PDHX: variants seen among roughly 807,000 people sequenced by gnomAD.
The protein encoded by PDHX is pyruvate dehydrogenase protein X component, mitochondrial.
PDHX carries 33 observed loss-of-function variants against 55.3 expected under a neutral mutation model. That is an observed-to-expected ratio of 0.60 (90% CI 0.45 to 0.80). The LOEUF (loss-of-function observed/expected upper bound fraction) is 0.80, where lower values mean the gene tolerates loss of function less well. Ranked by LOEUF, PDHX falls within the 30% of genes least tolerant of loss-of-function variation. PDHX has a pLI of 0.00. For missense variants in PDHX, 622 were observed against 619.9 expected, an observed-to-expected ratio of 1.00 and a Z score of -0.04; for synonymous variants, 226 against 219.4, an observed-to-expected ratio of 1.03 and a Z score of -0.27.
chr11:34,990,902 C>T (rs1855742570), intron 9 of PDHX, among the ~76,000 whole-genome samples: 1 of 152,074 alleles, frequency 6.6e-6, no homozygotes, highest in Non-Finnish European at 1.5e-5. Context: ...GTAATAGTGC[C>T]TATGTTGCCT....
intron 4 of PDHX, among the ~76,000 whole-genome samples, chr11:34,959,785 T>C (rs954301725): frequency 6.6e-6 from 1 of 152,098 alleles, no homozygotes; most frequent in Non-Finnish European, 1.5e-5. Flanking sequence ...TTATGCTCAG[T>C]AAAATAAGCC....
intron 2 of PDHX, among the ~76,000 whole-genome samples, chr11:34,937,366 C>T (rs982732394): frequency 6.6e-6 from 1 of 151,584 alleles, no homozygotes; most frequent in Non-Finnish European, 1.5e-5. Flanking sequence ...ACCAAGTGTC[C>T]CCACATCTGG....
chr11:34,980,048 T>G (rs1855474356), intron 8 of PDHX, among the ~76,000 whole-genome samples: 1 of 151,342 alleles, frequency 6.6e-6, no homozygotes, highest in South Asian at 2.1e-4. Context: ...ATTACTGATC[T>G]GTTTTAATTT....
intron 1 of PDHX, among the ~76,000 whole-genome samples, chr11:34,920,621 C>T (rs1853854932): frequency 6.6e-6 from 1 of 152,142 alleles, no homozygotes; most frequent in African/African-American, 2.4e-5. Flanking sequence ...TTATCTAACA[C>T]TGAGTAATGA....
Position 34,970,309 on chromosome 11 carries a change from A to C in PDHX, c.964+23A>C, listed in dbSNP as rs975591143. On this transcript the variant is annotated intron_variant, in intron 7 of 10. Transcript: ENST00000227868. ...AAGGTTAGTAAAATTGAATTTACTT[A>C]ATACAAAACACATGCTAACTTAACT... 7.0e-6 allele frequency: 11 copies of C among 1,576,062 alleles called. No individual in the cohort carries two copies. In the African/African-American group the frequency reaches 8.1e-5, roughly 12 times the overall value.
At chr11:34,950,652 T>C (rs1854738291) in intron 3 of PDHX, among the ~76,000 whole-genome samples, 1 of 151,854 alleles carries the variant, frequency 6.6e-6, no homozygotes, top group East Asian at 1.9e-4. Context: ...TGTGATAGTT[T>C]ACTGAGAATG....
At chr11:34,975,024 A>G (rs1050733933) in intron 7 of PDHX, among the ~76,000 whole-genome samples, 13 of 152,206 alleles carry the variant, frequency 8.5e-5, no homozygotes, top group African/African-American at 3.1e-4. Flanking sequence ...CATTTTTAAG[A>G]ATTATTTTTG....
rs757998291 is a variant in PDHX at position 34,966,668 on chromosome 11, C to G, written c.670C>G (p.Gln224Glu). 4 of 1,613,902 alleles carry G rather than the reference C, an allele frequency of 2.5e-6. No homozygotes were observed. In the South Asian group the frequency reaches 4.4e-5, roughly 18 times the overall value. ...TGCTCTCAAACTTGTCCAGTTGAAA[C>G]AAACGGGCAAGATTACCGAGTCCAG... The part of the protein sequence containing the change: ...EDALKLVQLK[Q>E]TGKITESRPT... The change falls in exon 6 of 11, where the codon CAA becomes GAA. Residue 224 changes from glutamine (Q) to glutamate (E), a missense_variant. Gln to Glu is a conservative substitution (Grantham distance 29). Transcript: ENST00000227868.
At chr11:34,966,858 C>G (rs1554988723) in intron 6 of PDHX, 44 bp downstream of exon 6, 2 of 1,265,218 alleles carry the variant, frequency 1.6e-6, no homozygotes, top group Non-Finnish European at 1.1e-6. Flanking sequence ...TCTTGTTTTT[C>G]TTTTTTTTTT....
chr11:34,964,559 G>A (rs189963490), intron 5 of PDHX, among the ~76,000 whole-genome samples: 277 of 151,926 alleles, frequency 1.8e-3, no homozygotes, highest in African/African-American at 6.0e-3. Context: ...AGCTGAGATC[G>A]CGCCACTGCA....
intron 1 of PDHX, among the ~76,000 whole-genome samples, chr11:34,921,287 T>C (rs1010588008): frequency 3.3e-5 from 5 of 152,252 alleles, no homozygotes; most frequent in African/African-American, 1.2e-4. Flanking sequence ...TGTACAGACT[T>C]GCAATTATCA....
intron 8 of PDHX, among the ~76,000 whole-genome samples, chr11:34,980,839 A>T (rs1855493923): frequency 6.6e-6 from 1 of 152,176 alleles, no homozygotes; most frequent in Admixed American, 6.5e-5. Context: ...CTTAAATGAC[A>T]TACCAGGAGG....
intron 9 of PDHX, among the ~76,000 whole-genome samples, chr11:34,991,973 T>TC (rs138635207): frequency 0.046 from 6,896 of 151,430 alleles, 512 homozygotes; most frequent in African/African-American, 0.16. Flanking sequence ...GTATTTTTTT[T>TC]CTTACCATAA....
intron 1 of PDHX, among the ~76,000 whole-genome samples, chr11:34,926,147 T>C (rs1184170102): frequency 6.6e-6 from 1 of 152,192 alleles, no homozygotes; most frequent in African/African-American, 2.4e-5. Flanking sequence ...AGAAGACTTA[T>C]ATGACAAACG....
chr11:34,937,889 C>T (rs1401625779), intron 2 of PDHX, among the ~76,000 whole-genome samples: 1 of 152,096 alleles, frequency 6.6e-6, no homozygotes, highest in African/African-American at 2.4e-5. Flanking sequence ...CAGATAAAGT[C>T]TCACCAAAAG....
chr11:34,980,595 T>C (rs1368198671), intron 8 of PDHX, among the ~76,000 whole-genome samples: 1 of 152,136 alleles, frequency 6.6e-6, no homozygotes, highest in South Asian at 2.1e-4. Context: ...GAATTTCAAA[T>C]CTTCTGAGGG....
intron 8 of PDHX, 44 bp downstream of exon 8, chr11:34,978,226 C>T (rs566538589): frequency 1.8e-6 from 2 of 1,119,402 alleles, no homozygotes; most frequent in South Asian, 2.6e-5. Flanking sequence ...TAAGTAGTTT[C>T]ATGTCGTGGA....
intron 7 of PDHX, among the ~76,000 whole-genome samples, chr11:34,970,958 G>T (rs1294361525): frequency 6.6e-6 from 1 of 152,102 alleles, no homozygotes; most frequent in East Asian, 1.9e-4. Flanking sequence ...ATTTACATAG[G>T]TCAATTTTTT....
intron 6 of PDHX, among the ~76,000 whole-genome samples, chr11:34,968,222 G>C (rs1855176605): frequency 6.8e-6 from 1 of 148,032 alleles, no homozygotes; most frequent in South Asian, 2.1e-4. Flanking sequence ...AGTGAGCTAT[G>C]TGCACTCCAG....
Sources: gnomAD v4.1 joint callset for allele counts (sites outside exome capture counted in the v4.1 genomes callset) on GRCh38, gnomAD v4.1.1 for gene constraint, MANE v1.5 for transcripts, NCBI Gene and HGNC (gene_info 2026-07-23, HGNC 2026-07-21) for gene names.